Variants in ZDHHC7 observed in about 807,000 individuals in gnomAD.
The protein encoded by ZDHHC7 is zDHHC palmitoyltransferase 7.
In ZDHHC7, 12 loss-of-function variants were observed where a neutral mutation model predicts 34.1. The ratio of observed to expected loss-of-function variants is 0.35; its 90% CI spans 0.23 to 0.57. ZDHHC7 has a LOEUF of 0.57. Among genes scored for constraint, ZDHHC7 ranks in the 20% least tolerant of loss-of-function variants. The pLI is 0.84. For missense variants in ZDHHC7, 388 were observed against 402.7 expected (o/e 0.96, Z 0.31); for synonymous variants, 185 against 155.4 (o/e 1.19, Z -1.42).
chr16:84,974,809 T>C lies in ZDHHC7; in HGVS notation c.*1534A>G, dbSNP rs1289809205. The C allele has an allele frequency of 1.3e-5, 2 of 152,662 alleles. No homozygotes were observed. Among genetic ancestry groups the C allele is most frequent in the African/African-American group, 4.8e-5 (2 of 41,444 alleles). 9.5% of individuals were successfully genotyped at this position (152,662 alleles called of 1,614,324 possible). On this transcript the variant is annotated 3_prime_UTR_variant, in exon 8 of 8. Coordinates refer to ENST00000313732, the MANE Select transcript of ZDHHC7 (RefSeq NM_017740.3). Reference sequence around the variant, plus strand: ...GTCCACTTCCAAACCCCCTGCAGGTTTGCTCGCTTGGCTAGGACGGTGGCT... The same window carrying C: ...GTCCACTTCCAAACCCCCTGCAGGTCTGCTCGCTTGGCTAGGACGGTGGCT...
At chr16:85,011,089 G>A (rs2072784849) in intron 1 of ZDHHC7, among the ~76,000 whole-genome samples, 197 bp downstream of exon 1, 1 of 152,260 alleles carries the variant, frequency 6.6e-6, no homozygotes, top group African/African-American at 2.4e-5. Flanking sequence ...AGCAACTAAG[G>A]AATGACAAGG....
upstream of ZDHHC7, among the ~76,000 whole-genome samples, chr16:85,013,126 C>T (rs1007896958): frequency 6.7e-6 from 1 of 150,350 alleles, no homozygotes; most frequent in African/African-American, 2.4e-5. Flanking sequence ...TGCAAACAAA[C>T]CTTACTCTAT....
the ZDHHC7 span, among the ~76,000 whole-genome samples, chr16:85,022,777 C>A: frequency 6.6e-6 from 1 of 152,258 alleles, no homozygotes; most frequent in Middle Eastern, 3.4e-3. Context: ...ACAGTATGTG[C>A]CTCCTGATAT....
chr16:84,993,482 T>G (rs1300986326), intron 2 of ZDHHC7, among the ~76,000 whole-genome samples: 2 of 148,414 alleles, frequency 1.3e-5, no homozygotes, highest in Admixed American at 6.8e-5. Context: ...ACAAAATTGT[T>G]TTTTTTTTTT....
At chr16:84,976,662 G>C in intron 7 of ZDHHC7, 143 bp from the exon 8 acceptor site, 1 of 1,222,052 alleles carries the variant, frequency 8.2e-7, no homozygotes, top group East Asian at 2.6e-5. Context: ...GCTCTGCCCC[G>C]ATCCAGACCC....
chr16:84,993,528 G>A (rs2072537380), intron 2 of ZDHHC7, among the ~76,000 whole-genome samples: 1 of 151,540 alleles, frequency 6.6e-6, no homozygotes, highest in Non-Finnish European at 1.5e-5. Context: ...TATAGTCCCA[G>A]CTGTTTGGGG....
chr16:84,977,806 TAAAATAATTGCAATGATTTCCTTC>T, intron 6 of ZDHHC7, 94 bp downstream of exon 6: 1 of 784,114 alleles, frequency 1.3e-6, no homozygotes, highest in South Asian at 1.8e-5. Context: ...ATTCAATTGC[TAAAATAATTGCAATGATTTCCTTC>T]AAAATTGGAA....
intron 2 of ZDHHC7, among the ~76,000 whole-genome samples, chr16:84,995,497 G>A (rs1045123047): frequency 2.0e-5 from 3 of 152,126 alleles, no homozygotes; most frequent in Non-Finnish European, 2.9e-5. Flanking sequence ...ATGATGGCGG[G>A]TGCCTGTAAT....
intron 6 of ZDHHC7, 157 bp from the exon 7 acceptor site, chr16:84,977,382 C>A: frequency 2.2e-6 from 2 of 906,966 alleles, no homozygotes; most frequent in Non-Finnish European, 3.3e-6. Flanking sequence ...CTCCAAGGAG[C>A]AGAGGAGGGC....
chr16:85,004,137 C>T (rs1196823241), intron 1 of ZDHHC7, among the ~76,000 whole-genome samples: 1 of 151,834 alleles, frequency 6.6e-6, no homozygotes, highest in Non-Finnish European at 1.5e-5. Context: ...AGCAGAACCT[C>T]CCCCACTCAG....
In ZDHHC7 at chr16:84,980,942, C is replaced by T. The variant is rs182654762; in HGVS notation, c.440+928G>A. On this transcript the variant is annotated intron_variant, in intron 4 of 7. Coordinates refer to ENST00000313732, the MANE Select transcript of ZDHHC7 (RefSeq NM_017740.3). ...TATGAATCTCTTAAAGCTTTCACTC[C>T]AGCCATAAAGCAGTCAGCACCCTGT... Among the ~76,000 whole-genome samples the T allele has an allele frequency of 3.1e-3, 466 of 152,298 alleles. 4 individuals carry two copies. The highest frequency in any genetic ancestry group is 5.0e-3 in the Non-Finnish European group (339 of 68,028).
At chr16:84,986,941 G>T (rs951447058) in intron 3 of ZDHHC7, among the ~76,000 whole-genome samples, 1 of 152,166 alleles carries the variant, frequency 6.6e-6, no homozygotes, top group African/African-American at 2.4e-5. Context: ...GAGAACAGAG[G>T]TGACACCTGA....
At chr16:84,985,141 C>T (rs535825690) in intron 3 of ZDHHC7, among the ~76,000 whole-genome samples, 2 of 152,328 alleles carry the variant, frequency 1.3e-5, no homozygotes, top group South Asian at 4.1e-4. Context: ...CAGGCTCCTC[C>T]CTCCCACCCA....
chr16:84,987,676 G>A (rs1452314205), intron 3 of ZDHHC7, among the ~76,000 whole-genome samples: 2 of 152,222 alleles, frequency 1.3e-5, no homozygotes, highest in East Asian at 3.8e-4. Flanking sequence ...ATTTGTAACA[G>A]CCGAAAAGCA....
chr16:84,992,629 C>T (rs978507095), intron 2 of ZDHHC7, among the ~76,000 whole-genome samples: 1 of 152,160 alleles, frequency 6.6e-6, no homozygotes, highest in African/African-American at 2.4e-5. Flanking sequence ...CTAGCTTTGC[C>T]ATGAGGAGAA....
chr16:85,003,626 T>C (rs912878933), intron 1 of ZDHHC7, among the ~76,000 whole-genome samples: 2 of 152,130 alleles, frequency 1.3e-5, no homozygotes, highest in African/African-American at 4.8e-5. Flanking sequence ...CACACCAGAA[T>C]ATTAACCCAA....
intron 2 of ZDHHC7, among the ~76,000 whole-genome samples, chr16:84,993,296 GGAT>G (rs2072534253): frequency 6.6e-6 from 1 of 152,036 alleles, no homozygotes; most frequent in South Asian, 2.1e-4. Context: ...GCTCCAGCCT[GGAT>G]GACAGAGAGA....
At chr16:85,013,198 T>C (rs1031699013), upstream of ZDHHC7, among the ~76,000 whole-genome samples, 4 of 152,146 alleles carry the variant, frequency 2.6e-5, no homozygotes, top group African/African-American at 4.8e-5. Flanking sequence ...TCAAAACTCC[T>C]TTGTCCTGTC....
At chr16:84,978,870 A>G (rs190480327) in intron 5 of ZDHHC7, among the ~76,000 whole-genome samples, 4 of 151,854 alleles carry the variant, frequency 2.6e-5, no homozygotes, top group African/African-American at 9.7e-5. Context: ...CTCAAAAAAA[A>G]AAAAAAGAAA....
Sources: gnomAD v4.1 joint callset for allele counts (sites outside exome capture counted in the v4.1 genomes callset) on GRCh38, gnomAD v4.1.1 for gene constraint, MANE v1.5 for transcripts, NCBI Gene and HGNC (gene_info 2026-07-23, HGNC 2026-07-21) for gene names.